Variants in CACNG3 observed in about 807,000 individuals in gnomAD.
The protein encoded by CACNG3 is calcium voltage-gated channel auxiliary subunit gamma 3, also known as voltage-dependent calcium channel gamma-3 subunit.
A neutral mutation model predicts 28.5 loss-of-function variants in CACNG3; 3 were observed. The ratio of observed to expected loss-of-function variants is 0.11; its 90% CI spans 0.05 to 0.27. CACNG3 has a LOEUF of 0.27. Among genes scored for constraint, CACNG3 ranks in the 10% least tolerant of loss-of-function variants. The pLI, the probability that CACNG3 is intolerant of heterozygous loss-of-function variation, is 1.00. For synonymous variants in CACNG3, 174 were observed against 162.2 expected (o/e 1.07, Z -0.55); for missense variants, 236 against 414.4 (o/e 0.57, Z 3.74).
At chr16:24,287,109 A>G (rs1898904784) in intron 1 of CACNG3, among the ~76,000 whole-genome samples, 1 of 151,842 alleles carries the variant, frequency 6.6e-6, no homozygotes, top group Non-Finnish European at 1.5e-5. Flanking sequence ...TCTCTCTCCC[A>G]CTCTCTTTCT....
chr16:24,279,751 T>C (rs1286706331), intron 1 of CACNG3, among the ~76,000 whole-genome samples: 1 of 152,206 alleles, frequency 6.6e-6, no homozygotes, highest in Non-Finnish European at 1.5e-5. Context: ...GACTGTTGCA[T>C]GTAAAGGTAA....
intron 1 of CACNG3, among the ~76,000 whole-genome samples, chr16:24,333,206 C>T (rs1032498724): frequency 1.3e-5 from 2 of 152,096 alleles, no homozygotes; most frequent in African/African-American, 2.4e-5. Context: ...CATGCCCCAA[C>T]CCTGCCACTC....
chr16:24,271,787 T>C (rs1194686526), intron 1 of CACNG3, among the ~76,000 whole-genome samples: 3 of 152,288 alleles, frequency 2.0e-5, no homozygotes, highest in South Asian at 2.1e-4. Flanking sequence ...GGCTCCTGTA[T>C]GTGGCAGAGA....
intron 1 of CACNG3, among the ~76,000 whole-genome samples, chr16:24,319,301 G>A (rs1291910642): frequency 1.3e-5 from 2 of 152,212 alleles, no homozygotes; most frequent in Admixed American, 1.3e-4. Context: ...GGAAAAATCA[G>A]GGGGATTGTG....
chr16:24,321,113 C>T (rs1447276935), intron 1 of CACNG3, among the ~76,000 whole-genome samples: 1 of 152,190 alleles, frequency 6.6e-6, no homozygotes, highest in Non-Finnish European at 1.5e-5. Flanking sequence ...TGTGAATCCT[C>T]CCTTGTCCCA....
intron 1 of CACNG3, among the ~76,000 whole-genome samples, chr16:24,306,353 G>A (rs978679295): frequency 2.6e-5 from 4 of 152,202 alleles, no homozygotes; most frequent in Admixed American, 6.5e-5. Context: ...AAGGCTGAAC[G>A]GTGGCTTCAG....
intron 1 of CACNG3, among the ~76,000 whole-genome samples, chr16:24,334,328 G>T (rs1409016809): frequency 6.6e-6 from 1 of 152,164 alleles, no homozygotes; most frequent in Non-Finnish European, 1.5e-5. Context: ...GTTGGAGCAG[G>T]TTCCAGGCAC....
At chr16:24,335,038 T>C (rs1294885222) in intron 1 of CACNG3, among the ~76,000 whole-genome samples, 3 of 152,212 alleles carry the variant, frequency 2.0e-5, no homozygotes, top group East Asian at 3.8e-4. Flanking sequence ...CTTGGCACTA[T>C]GTTAGTGCTA....
At chr16:24,333,933 C>T (rs767446169) in intron 1 of CACNG3, among the ~76,000 whole-genome samples, 2 of 152,128 alleles carry the variant, frequency 1.3e-5, no homozygotes, top group Admixed American at 6.5e-5. Flanking sequence ...AGAACCCCAG[C>T]CTCAGCATTT....
intron 1 of CACNG3, among the ~76,000 whole-genome samples, chr16:24,319,616 A>T (rs62029054): frequency 3.3e-5 from 5 of 151,370 alleles, no homozygotes; most frequent in East Asian, 1.9e-4. Flanking sequence ...TTATTTATTT[A>T]ATTTATTTAT....
intron 1 of CACNG3, among the ~76,000 whole-genome samples, chr16:24,312,842 C>T (rs1466828620): frequency 7.5e-6 from 1 of 132,822 alleles, no homozygotes; most frequent in Non-Finnish European, 1.6e-5. Flanking sequence ...CAGAGCTGGG[C>T]AAGACAGGGT....
chr16:24,310,122 A>T (rs1469474932), intron 1 of CACNG3, among the ~76,000 whole-genome samples: 4 of 152,228 alleles, frequency 2.6e-5, no homozygotes, highest in Admixed American at 2.6e-4. Flanking sequence ...TTGGGCCAGC[A>T]TGAGGGAGGG....
chr16:24,286,816 C>T (rs1452663241), intron 1 of CACNG3, among the ~76,000 whole-genome samples: 1 of 152,196 alleles, frequency 6.6e-6, no homozygotes, highest in African/African-American at 2.4e-5. Flanking sequence ...TCCAGTTCTG[C>T]CTGCCTCCAA....
intron 1 of CACNG3, among the ~76,000 whole-genome samples, chr16:24,299,975 G>A (rs1292082940): frequency 6.6e-6 from 1 of 151,980 alleles, no homozygotes; most frequent in Non-Finnish European, 1.5e-5. Flanking sequence ...ATAGAATGAT[G>A]TATTTTAACA....
chr16:24,319,206 T>C (rs1368554281), intron 1 of CACNG3, among the ~76,000 whole-genome samples: 3 of 152,140 alleles, frequency 2.0e-5, no homozygotes, highest in Non-Finnish European at 4.4e-5. Context: ...TATTAGGGAA[T>C]AGGCATTGCA....
chr16:24,285,825 C>G (rs1344480875), intron 1 of CACNG3, among the ~76,000 whole-genome samples: 2 of 149,480 alleles, frequency 1.3e-5, no homozygotes, highest in African/African-American at 4.9e-5. Flanking sequence ...TCTATAGGTA[C>G]TGATTTTTTT....
At chr16:24,353,668 A>G (rs1324686388) in intron 2 of CACNG3, among the ~76,000 whole-genome samples, 1 of 152,210 alleles carries the variant, frequency 6.6e-6, no homozygotes, top group Admixed American at 6.5e-5. Flanking sequence ...CCGCCACAAC[A>G]CCTAGCATCT....
intron 3 of CACNG3, among the ~76,000 whole-genome samples, chr16:24,356,153 A>C (rs1900028270): frequency 6.6e-6 from 1 of 152,012 alleles, no homozygotes; most frequent in Non-Finnish European, 1.5e-5. Context: ...TTTGGATGAA[A>C]TGCTTTAGAG....
chr16:24,323,376 T>A (rs570537178), intron 1 of CACNG3, among the ~76,000 whole-genome samples: 5 of 152,324 alleles, frequency 3.3e-5, no homozygotes, highest in Non-Finnish European at 7.4e-5. Context: ...GTGAATCTAA[T>A]CCTTCCCCTA....
Sources: gnomAD v4.1 joint callset for allele counts (sites outside exome capture counted in the v4.1 genomes callset) on GRCh38, gnomAD v4.1.1 for gene constraint, MANE v1.5 for transcripts, NCBI Gene and HGNC (gene_info 2026-07-23, HGNC 2026-07-21) for gene names.